The following ARHGEF3 variants were observed in gnomAD, a reference collection of about 807,000 sequenced individuals.
ARHGEF3 encodes 59.8 kDA protein.
In ARHGEF3, 28 loss-of-function variants were observed where a neutral mutation model predicts 63.2. That is an observed-to-expected ratio of 0.44 (90% CI 0.33 to 0.61). The LOEUF is 0.61. ARHGEF3 is among the 20% of genes least tolerant of loss of function. ARHGEF3 has a pLI of 0.03. For synonymous variants in ARHGEF3, 266 were observed against 254.2 expected, an observed-to-expected ratio of 1.05 and a Z score of -0.44; for missense variants, 533 against 659.3, an observed-to-expected ratio of 0.81 and a Z score of 2.10.
chr3:57,052,375 C>T (rs184477451), intron 1 of ARHGEF3, among the ~76,000 whole-genome samples: 4 of 152,272 alleles, frequency 2.6e-5, no homozygotes, highest in Non-Finnish European at 5.9e-5. Context: ...TGGCTCACTG[C>T]AACCTCCACC....
intron 1 of ARHGEF3, among the ~76,000 whole-genome samples, chr3:56,792,587 T>C (rs559444089): frequency 7.2e-5 from 11 of 152,210 alleles, no homozygotes; most frequent in Non-Finnish European, 1.6e-4. Context: ...ACCCTTGGTA[T>C]CTCGTCTTTA....
intron 2 of ARHGEF3, among the ~76,000 whole-genome samples, chr3:57,002,506 A>ATATATATATATATATGTG (rs1702282014): frequency 1.3e-5 from 1 of 76,376 alleles, no homozygotes; most frequent in Non-Finnish European, 2.9e-5. Flanking sequence ...TGTTATATAT[A>ATATATATATATATATGTG]TATATATGTT....
rs5849167 is a variant in ARHGEF3, at chr3:56,747,064, CAGAGAGAG to C, written c.613-1610_613-1603del. ...ACTTATACATGCGCGCACACACACA[CAGAGAGAG>C]AGAGAGAGAGAGAGAGAGAGAGAGA... On this transcript the variant is annotated intron_variant, in intron 6 of 9. Coordinates refer to ENST00000296315, the MANE Select transcript of ARHGEF3 (RefSeq NM_019555.3). Among the ~76,000 whole-genome samples the C allele has an allele frequency of 6.2e-4, 92 of 148,266 alleles. No homozygotes were observed. The East Asian group carries it at 8.0e-3, about 13-fold the overall frequency.
chr3:56,782,671 G>GTTTAT (rs144161909), intron 1 of ARHGEF3, among the ~76,000 whole-genome samples: 1 of 149,498 alleles, frequency 6.7e-6, no homozygotes, highest in Non-Finnish European at 1.5e-5. Context: ...AAAAGCTGGG[G>GTTTAT]TTTGTTTTGT....
intron 3 of ARHGEF3, chr3:56,940,154 T>C (rs1699104166): frequency 1.3e-5 from 2 of 152,258 alleles, no homozygotes; most frequent in South Asian, 2.1e-4. Context: ...AGAATCCTCA[T>C]GGGCTTCCAG....
chr3:56,943,373 G>T (rs1251650926), intron 3 of ARHGEF3, among the ~76,000 whole-genome samples: 1 of 152,150 alleles, frequency 6.6e-6, no homozygotes, highest in Non-Finnish European at 1.5e-5. Context: ...ACAAAGCCTG[G>T]ATGGCAGCAC....
chr3:57,068,570 TAAG>T (rs1273827557), intron 1 of ARHGEF3, among the ~76,000 whole-genome samples: 2 of 152,176 alleles, frequency 1.3e-5, no homozygotes, highest in Non-Finnish European at 2.9e-5. Flanking sequence ...AGTGATTTGT[TAAG>T]AAAACCATTT....
In ARHGEF3 at chr3:57,052,522, C is replaced by G. The variant is rs188957869; in HGVS notation, c.-27-17346G>C. 1.3e-3 allele frequency among the ~76,000 whole-genome samples: 202 copies of G among 152,186 alleles called. 2 individuals are homozygous for G. Among genetic ancestry groups the G allele is most frequent in the Admixed American group, 8.8e-3 (135 of 15,288 alleles). ...AAGTTGGCCAGGGTGGTCTCGAACT[C>G]CTGACCTCAAGTGATCTGCCCACTT... On this transcript the variant is annotated intron_variant, in intron 1 of 12. Transcript: ENST00000338458.
rs372709358 is a variant in ARHGEF3, at chr3:56,918,093, G to A, written c.130-35739C>T. Reference sequence around the variant, plus strand: ...GGGTAAGGGCAGGTATTCCTAAGGCGTCTTGTTCCAGCCTCCTACACAGGA... The same window carrying A: ...GGGTAAGGGCAGGTATTCCTAAGGCATCTTGTTCCAGCCTCCTACACAGGA... On this transcript the variant is annotated intron_variant, in intron 3 of 12. Coordinates refer to the ARHGEF3 transcript ENST00000338458. 6.6e-5 allele frequency among the ~76,000 whole-genome samples: 10 copies of A among 152,302 alleles called. No individual in the cohort carries two copies. In the East Asian group the frequency reaches 1.2e-3, roughly 18 times the overall value.
intron 2 of ARHGEF3, among the ~76,000 whole-genome samples, chr3:56,989,176 C>A (rs1395752948): frequency 6.6e-6 from 1 of 152,206 alleles, no homozygotes; most frequent in African/African-American, 2.4e-5. Flanking sequence ...CTCAAGTACC[C>A]TATTTAGTTC....
chr3:56,949,975 C>G (rs1041973646), intron 3 of ARHGEF3, among the ~76,000 whole-genome samples: 10 of 151,854 alleles, frequency 6.6e-5, no homozygotes, highest in Non-Finnish European at 1.5e-4. Flanking sequence ...GAAATAATGC[C>G]GCATATCTAC....
At chr3:56,884,261 C>G (rs908309957) in intron 3 of ARHGEF3, among the ~76,000 whole-genome samples, 7 of 151,718 alleles carry the variant, frequency 4.6e-5, no homozygotes, top group African/African-American at 1.5e-4. Flanking sequence ...GCCTAGTACA[C>G]AGTAGGTGCT....
rs572767602 is a variant in ARHGEF3 at position 56,775,221 on chromosome 3, G to A, written c.97-1405C>T. 4.0e-5 allele frequency: 56 copies of A among 1,407,048 alleles called. No homozygotes were observed. The Middle Eastern group carries it at 5.6e-4, about 14-fold the overall frequency. 87.2% of individuals were successfully genotyped at this position (1,407,048 alleles called of 1,614,324 possible). On this transcript the variant is annotated intron_variant, in intron 1 of 9. Coordinates refer to ENST00000296315, the MANE Select transcript of ARHGEF3 (RefSeq NM_019555.3). ...TTCTCCAGGATATTTCTGCATCCCC[G>A]TTCTGAACATAGTAGGTGCCTGGAA...
chr3:56,734,539 A>G (rs1367079489), intron 8 of ARHGEF3, among the ~76,000 whole-genome samples: 2 of 152,236 alleles, frequency 1.3e-5, no homozygotes, highest in Non-Finnish European at 2.9e-5. Context: ...ACCATGCAGT[A>G]TATCCTTGTA....
chr3:56,925,174 C>T (rs1001167367), intron 3 of ARHGEF3, among the ~76,000 whole-genome samples: 2 of 152,224 alleles, frequency 1.3e-5, no homozygotes, highest in African/African-American at 4.8e-5. Flanking sequence ...CTTGCAGAGG[C>T]AGAGTAAGGG....
intron 2 of ARHGEF3, among the ~76,000 whole-genome samples, chr3:56,771,985 T>C (rs1177071316): frequency 6.6e-6 from 1 of 152,148 alleles, no homozygotes. Flanking sequence ...GCGATGAACT[T>C]GTCGAGAGGG....
chr3:57,045,653 C>T (rs952752037), intron 1 of ARHGEF3, among the ~76,000 whole-genome samples: 2 of 152,030 alleles, frequency 1.3e-5, no homozygotes, highest in African/African-American at 4.8e-5. Context: ...GAAGAGGAAA[C>T]CTAGGCACAG....
At chr3:56,771,273 A>G (rs1029810276) in intron 2 of ARHGEF3, among the ~76,000 whole-genome samples, 1 of 152,132 alleles carries the variant, frequency 6.6e-6, no homozygotes, top group Non-Finnish European at 1.5e-5. Context: ...CTAGTTCTCT[A>G]GGTCAATGTA....
rs574433470 is a variant in ARHGEF3 at position 56,872,225 on chromosome 3, C to A, written c.192+10067G>T. Among the ~76,000 whole-genome samples, 11 of 152,294 alleles carry A rather than the reference C, an allele frequency of 7.2e-5. No homozygotes were observed. The East Asian group carries it at 1.2e-3, about 16-fold the overall frequency. On this transcript the variant is annotated intron_variant, in intron 4 of 12. Coordinates refer to the ARHGEF3 transcript ENST00000338458. ...ATAGGTTTTGCAAAATACCAAAGCT[C>A]AGGAATCCTTACAACTTAATCTCCT...
Sources: gnomAD v4.1 joint callset for allele counts (sites outside exome capture counted in the v4.1 genomes callset) on GRCh38, gnomAD v4.1.1 for gene constraint, MANE v1.5 for transcripts, NCBI Gene and HGNC (gene_info 2026-07-23, HGNC 2026-07-21) for gene names.